ABCA10: variants seen among roughly 807,000 people sequenced by gnomAD.
ABCA10 encodes ATP binding cassette subfamily A member 10, also known as ATP-binding cassette sub-family A member 10.
ABCA10 carries 169 observed loss-of-function variants against 187.5 expected under a neutral mutation model. That is an observed-to-expected ratio of 0.90 (90% CI 0.80 to 1.02). ABCA10 has a LOEUF of 1.02. ABCA10 is among the 50% of genes least tolerant of loss of function. The pLI, the probability that ABCA10 is intolerant of heterozygous loss-of-function variation, is 0.00. For missense variants in ABCA10, 1,727 were observed against 1,812.4 expected (o/e 0.95, Z 0.86); for synonymous variants, 574 against 601.8 (o/e 0.95, Z 0.68).
At chr17:69,214,578 T>C (rs568716708) in intron 9 of ABCA10, 126 bp downstream of exon 9, 3 of 832,716 alleles carry the variant, frequency 3.6e-6, no homozygotes, top group East Asian at 6.4e-5. Context: ...GGAAATTCTA[T>C]TGTTTTGAAA....
At chr17:69,208,458 A>C (rs1423335528) in intron 9 of ABCA10, among the ~76,000 whole-genome samples, 2 of 151,564 alleles carry the variant, frequency 1.3e-5, no homozygotes, top group Non-Finnish European at 2.9e-5. Flanking sequence ...ATTAGGAAAA[A>C]AATTATGTTT....
intron 9 of ABCA10, 47 bp from the exon 10 acceptor site, chr17:69,201,715 C>A (rs1196189229): frequency 2.1e-6 from 3 of 1,401,292 alleles, no homozygotes; most frequent in Non-Finnish European, 1.9e-6. Flanking sequence ...TATACCACAC[C>A]AATAAAAAGG....
At chr17:69,195,720 T>C (rs1410748390) in intron 11 of ABCA10, among the ~76,000 whole-genome samples, 1 of 151,892 alleles carries the variant, frequency 6.6e-6, no homozygotes, top group Non-Finnish European at 1.5e-5. Flanking sequence ...TTCCGCAGTG[T>C]TTGTGTCCCT....
chr17:69,196,905 C>T (rs1242097291), intron 11 of ABCA10, among the ~76,000 whole-genome samples, 159 bp downstream of exon 11: 5 of 151,374 alleles, frequency 3.3e-5, no homozygotes, highest in African/African-American at 4.8e-5. Context: ...CCCAGGCACT[C>T]GGCAGGCACT....
At chr17:69,159,979 C>T (rs1163277146) in intron 27 of ABCA10, among the ~76,000 whole-genome samples, 1 of 151,972 alleles carries the variant, frequency 6.6e-6, no homozygotes, top group African/African-American at 2.4e-5. Context: ...TTATATTATA[C>T]ACAAAATTAA....
At chr17:69,159,321 C>T (rs2144760254) in intron 27 of ABCA10, among the ~76,000 whole-genome samples, 1 of 151,896 alleles carries the variant, frequency 6.6e-6, no homozygotes, top group Admixed American at 6.6e-5. Flanking sequence ...ATCAAGCATA[C>T]CAAATATATG....
At chr17:69,196,794 C>G (rs1018606457) in intron 11 of ABCA10, among the ~76,000 whole-genome samples, 1 of 152,188 alleles carries the variant, frequency 6.6e-6, no homozygotes, top group African/African-American at 2.4e-5. Flanking sequence ...GCAGATCACT[C>G]GCGGTTAGGA....
At chr17:69,223,922 A>G (rs1355956287) in intron 3 of ABCA10, among the ~76,000 whole-genome samples, 2 of 152,180 alleles carry the variant, frequency 1.3e-5, no homozygotes, top group Non-Finnish European at 2.9e-5. Context: ...TACACTGTGC[A>G]TACAGGAAGA....
chr17:69,205,401 T>C (rs970424500), intron 9 of ABCA10, among the ~76,000 whole-genome samples: 15 of 152,244 alleles, frequency 9.9e-5, no homozygotes, highest in Admixed American at 3.9e-4. Flanking sequence ...TGGGAATTTA[T>C]TGAGCATCTA....
chr17:69,193,553 T>A lies in ABCA10; in HGVS notation c.1581A>T (p.Lys527Asn), dbSNP rs576212414. 30 of 1,613,350 alleles carry A rather than the reference T, an allele frequency of 1.9e-5. No individual in the cohort carries two copies. The South Asian group carries it at 3.0e-4, about 16-fold the overall frequency. ...MQSIQDIIAK[K>N]LSGGQKRKLT... is the part of the protein sequence containing the mutation. ...GTTTTCTCTTCTGCCCACCACTTAA[T>A]TTTTTAGCAATAATGTCTTGAATGC... Residue 527 changes from lysine to asparagine, a missense_variant, in exon 14 of 39, where the codon AAA becomes AAT. Transcript: ENST00000690296.
intron 1 of ABCA10, among the ~76,000 whole-genome samples, chr17:69,243,716 G>C (rs192016622): frequency 1.2e-3 from 187 of 152,184 alleles, no homozygotes; most frequent in African/African-American, 4.4e-3. Context: ...TGGGCAACAT[G>C]GCAAAACCCC....
intron 22 of ABCA10, among the ~76,000 whole-genome samples, chr17:69,180,369 T>G (rs1196754166): frequency 6.6e-6 from 1 of 152,170 alleles, no homozygotes; most frequent in East Asian, 1.9e-4. Context: ...ATTATTACTT[T>G]CAAGAAGTTC....
intron 20 of ABCA10, among the ~76,000 whole-genome samples, chr17:69,183,674 G>A (rs1194932442): frequency 1.3e-5 from 2 of 152,202 alleles, no homozygotes; most frequent in Middle Eastern, 3.4e-3. Flanking sequence ...AAATATAGGG[G>A]TAGAGGAAGC....
In ABCA10 at chr17:69,155,006, C is replaced by G. The variant is rs768599826; in HGVS notation, c.3694+13G>C. 17 of 1,531,288 alleles carry G rather than the reference C, an allele frequency of 1.1e-5. No homozygotes were observed. Among genetic ancestry groups the G allele is most frequent in the East Asian group, 4.5e-5 (2 of 44,292 alleles). 94.9% of individuals were successfully genotyped at this position (1,531,288 alleles called of 1,614,324 possible). A position where few individuals can be genotyped will look rare whatever the true frequency, so the allele number is the denominator to read the frequency against. Reference sequence around the variant, plus strand: ...AACATTATAATAATAATAAAAGGAACAATTGTTCAAACCTTTTTTAACACA... The same window carrying G: ...AACATTATAATAATAATAAAAGGAAGAATTGTTCAAACCTTTTTTAACACA... On this transcript the variant is annotated intron_variant, in intron 30 of 38. Coordinates refer to ENST00000690296, the MANE Select transcript of ABCA10 (RefSeq NM_001377321.1).
chr17:69,170,258 A>G (rs897595167), intron 25 of ABCA10, among the ~76,000 whole-genome samples: 3 of 149,656 alleles, frequency 2.0e-5, no homozygotes, highest in African/African-American at 7.4e-5. Context: ...ACTGCACTCC[A>G]GCCTGGGCAA....
At chr17:69,237,936 G>A (rs934441594) in intron 1 of ABCA10, among the ~76,000 whole-genome samples, 1 of 152,108 alleles carries the variant, frequency 6.6e-6, no homozygotes, top group Non-Finnish European at 1.5e-5. Context: ...GCCAAGGTGG[G>A]TGGATTATGA....
intron 20 of ABCA10, 24 bp from the exon 21 acceptor site, chr17:69,182,832 CAAGA>C: frequency 7.7e-7 from 1 of 1,300,012 alleles, no homozygotes; most frequent in Non-Finnish European, 9.8e-7. Flanking sequence ...AGGAAGGCAA[CAAGA>C]AAAAAAAAAA....
chr17:69,195,785 G>C (rs1232303346), intron 11 of ABCA10, among the ~76,000 whole-genome samples: 1 of 151,724 alleles, frequency 6.6e-6, no homozygotes, highest in African/African-American at 2.4e-5. Context: ...CTGCCTTCAA[G>C]CATCTGTTTA....
At chr17:69,171,296 T>C (rs2074295939) in intron 25 of ABCA10, among the ~76,000 whole-genome samples, 2 of 152,094 alleles carry the variant, frequency 1.3e-5, no homozygotes, top group African/African-American at 4.8e-5. Flanking sequence ...TTAGGAGAAA[T>C]AACTAAGCAT....
Sources: gnomAD v4.1 joint callset for allele counts (sites outside exome capture counted in the v4.1 genomes callset) on GRCh38, gnomAD v4.1.1 for gene constraint, MANE v1.5 for transcripts, NCBI Gene and HGNC (gene_info 2026-07-23, HGNC 2026-07-21) for gene names.